Variants in PTGER4 observed in about 807,000 individuals in gnomAD.
PTGER4 encodes prostaglandin E receptor 4, also known as prostaglandin E2 receptor EP4 subtype.
PTGER4 carries 11 observed loss-of-function variants against 33.2 expected under a neutral mutation model. The ratio of observed to expected loss-of-function variants is 0.33; its 90% CI spans 0.21 to 0.55. The LOEUF is 0.55. Ranked by LOEUF, PTGER4 falls within the 20% of genes least tolerant of loss-of-function variation. The pLI is 0.92. For synonymous variants in PTGER4, 275 were observed against 281.5 expected, an observed-to-expected ratio of 0.98 and a Z score of 0.23; for missense variants, 481 against 650.2, an observed-to-expected ratio of 0.74 and a Z score of 2.83.
intron 2 of PTGER4, chr5:40,685,513 G>A (rs1254562366): frequency 8.3e-6 from 8 of 962,080 alleles, no homozygotes; most frequent in Non-Finnish European, 9.9e-6. Flanking sequence ...TAAAAGACTG[G>A]ATTTGTTCAA....
At chr5:40,694,469 T>C (rs1427265969), downstream of PTGER4, among the ~76,000 whole-genome samples, 1 of 152,218 alleles carries the variant, frequency 6.6e-6, no homozygotes, top group African/African-American at 2.4e-5. Flanking sequence ...CAGACATTTA[T>C]TTTCTCACAG....
chr5:40,708,905 C>A, the PTGER4 span, among the ~76,000 whole-genome samples: 1 of 152,276 alleles, frequency 6.6e-6, no homozygotes, highest in Non-Finnish European at 1.5e-5. Flanking sequence ...CGTAATCCAG[C>A]ATATAAACAG....
chr5:40,697,495 G>T (rs1741639945), downstream of PTGER4, among the ~76,000 whole-genome samples: 1 of 147,422 alleles, frequency 6.8e-6, no homozygotes, highest in African/African-American at 2.5e-5. Context: ...TGAGGCAAGA[G>T]AATTGCTTGA....
chr5:40,711,586 T>C, the PTGER4 span, among the ~76,000 whole-genome samples: 24 of 152,238 alleles, frequency 1.6e-4, no homozygotes, highest in Admixed American at 1.5e-3. Flanking sequence ...TTGTGATTTA[T>C]ATATATAGCA....
the PTGER4 span, among the ~76,000 whole-genome samples, chr5:40,713,983 C>T: frequency 7.8e-3 from 1,186 of 152,296 alleles, 11 homozygotes; most frequent in African/African-American, 0.026. Flanking sequence ...CCATAACTTA[C>T]TGTTTCTTTT....
chr5:40,732,995 G>C, the PTGER4 span, among the ~76,000 whole-genome samples: 3 of 152,058 alleles, frequency 2.0e-5, no homozygotes, highest in Admixed American at 6.5e-5. Context: ...CAAGAAAAGA[G>C]GGGACAGATG....
chr5:40,728,280 T>C, the PTGER4 span: 1 of 168,778 alleles, frequency 5.9e-6, no homozygotes, highest in Non-Finnish European at 1.0e-5. Flanking sequence ...AGACTCCATC[T>C]CAAAAAAAAA....
In PTGER4 at chr5:40,688,387, A is replaced by G. The variant is rs45554436; in HGVS notation, c.868-3392A>G. 4.2e-3 allele frequency among the ~76,000 whole-genome samples: 635 copies of G among 152,356 alleles called. 4 individuals are homozygous for G. The highest frequency in any genetic ancestry group is 0.014 in the African/African-American group (600 of 41,568). On this transcript the variant is annotated intron_variant, in intron 2 of 2. Transcript: ENST00000302472. ...AAACCCGGCCGTAGGTCTTTTCCAGAGACCACACACAGGACTTGATACTAA... is the reference window on the plus strand; with the variant it reads ...AAACCCGGCCGTAGGTCTTTTCCAGGGACCACACACAGGACTTGATACTAA...
In PTGER4 at chr5:40,681,021, G is replaced by A; in HGVS notation, c.28G>A (p.Ala10Thr). Residue 10 changes from alanine to threonine, a missense_variant, in exon 2 of 3, where the codon GCC becomes ACC. By Grantham distance (58) the Ala-to-Thr change is moderately conservative. Transcript: ENST00000302472. This position sits in a 1 kb window ranked among gnomAD's most constrained non-coding sequence, Gnocchi z 9.8. MSTPGVNSSASLSPDRLNSP... is the reference protein window; with the variant it reads MSTPGVNSSTSLSPDRLNSP... ...GTCCACTCCCGGGGTCAATTCGTCC[G>A]CCTCCTTGAGCCCCGACCGGCTGAA... 6.2e-7 allele frequency: 1 copy of A among 1,613,382 alleles called. No individual in the cohort carries two copies. The highest frequency in any genetic ancestry group is 8.5e-7 in the Non-Finnish European group (1 of 1,179,678).
downstream of PTGER4, among the ~76,000 whole-genome samples, chr5:40,698,483 C>T (rs1044733356): frequency 6.6e-6 from 1 of 152,080 alleles, no homozygotes; most frequent in Non-Finnish European, 1.5e-5. Flanking sequence ...ATAATATACC[C>T]TTATACTCCA....
chr5:40,698,956 C>T, the PTGER4 span, among the ~76,000 whole-genome samples: 1 of 151,996 alleles, frequency 6.6e-6, no homozygotes, highest in Non-Finnish European at 1.5e-5. Flanking sequence ...TCTGACATTA[C>T]AAAGAGAAAT....
At chr5:40,708,260 A>T in the PTGER4 span, among the ~76,000 whole-genome samples, 5 of 152,268 alleles carry the variant, frequency 3.3e-5, no homozygotes, top group East Asian at 9.7e-4. Flanking sequence ...TTTTGAAAAG[A>T]TCAACAGAAT....
chr5:40,730,819 G>A, the PTGER4 span, among the ~76,000 whole-genome samples: 1 of 151,928 alleles, frequency 6.6e-6, no homozygotes, highest in Non-Finnish European at 1.5e-5. Flanking sequence ...TTAGAAATGG[G>A]TTCATATGTA....
At position 40,681,174 on chromosome 5, in the gene PTGER4, C is replaced by G; in HGVS notation, c.181C>G (p.Leu61Val). 1 of 1,614,204 alleles carries G rather than the reference C, an allele frequency of 6.2e-7. No homozygotes were observed. The highest frequency in any genetic ancestry group is 8.5e-7 in the Non-Finnish European group (1 of 1,180,042). Residue 61 changes from leucine (L) to valine (V), a missense_variant, in exon 2 of 3, where the codon CTG becomes GTG. Transcript: ENST00000302472. The surrounding 1 kb of genome is among the most constrained non-coding windows in gnomAD (Gnocchi z 9.8). ...ETTFYTLVCG[L>V]AVTDLLGTLL... ...GACCTTCTACACGCTGGTATGTGGG[C>G]TGGCTGTCACCGACCTGTTGGGCAC...
chr5:40,746,789 A>G, the PTGER4 span: 1 of 1,600,046 alleles, frequency 6.2e-7, no homozygotes, highest in Non-Finnish European at 8.5e-7. Flanking sequence ...AAAAACTTTA[A>G]ATACATACCT....
chr5:40,742,681 G>C, the PTGER4 span, among the ~76,000 whole-genome samples: 1 of 152,014 alleles, frequency 6.6e-6, no homozygotes, highest in Admixed American at 6.6e-5. Flanking sequence ...ATCCTTGTGA[G>C]ATTAAAAAAA....
At chr5:40,731,075 T>C in the PTGER4 span, among the ~76,000 whole-genome samples, 2 of 152,196 alleles carry the variant, frequency 1.3e-5, no homozygotes, top group Non-Finnish European at 2.9e-5. Context: ...TAAACAATAT[T>C]TCCAAATGTT....
intron 2 of PTGER4, among the ~76,000 whole-genome samples, chr5:40,689,866 A>G (rs1447827567): frequency 6.6e-6 from 1 of 152,222 alleles, no homozygotes; most frequent in East Asian, 1.9e-4. Flanking sequence ...AATAATTACT[A>G]AATAATTACT....
the PTGER4 span, among the ~76,000 whole-genome samples, chr5:40,705,167 G>A: frequency 2.6e-5 from 4 of 151,870 alleles, no homozygotes; most frequent in Non-Finnish European, 4.4e-5. Context: ...CAGAAATAAG[G>A]CCACACATCT....
Sources: allele counts gnomAD v4.1 joint callset (sites outside exome capture counted in the v4.1 genomes callset), GRCh38; gene constraint gnomAD v4.1.1; non-coding constraint Gnocchi (gnomAD v3.1); transcripts MANE v1.5; gene names NCBI Gene and HGNC (gene_info 2026-07-23, HGNC 2026-07-21).